Variants in CNOT6L observed in about 807,000 individuals in gnomAD.
CNOT6L encodes the protein CCR4-NOT transcription complex subunit 6 like, also known as CCR4-NOT transcription complex subunit 6-like.
In CNOT6L, 7 loss-of-function variants were observed where a neutral mutation model predicts 64.0. The observed-to-expected ratio is 0.11, with a 90% CI of 0.06 to 0.21. The LOEUF (loss-of-function observed/expected upper bound fraction) is 0.21. Ranked by LOEUF, CNOT6L falls within the 10% of genes least tolerant of loss-of-function variation. The pLI is 1.00. For synonymous variants in CNOT6L, 193 were observed against 243.4 expected (o/e 0.79, Z 1.93); for missense variants, 245 against 669.0 (o/e 0.37, Z 6.99).
intron 11 of CNOT6L, among the ~76,000 whole-genome samples, chr4:77,722,444 T>C (rs1721379287): frequency 6.6e-6 from 1 of 152,066 alleles, no homozygotes; most frequent in African/African-American, 2.4e-5. Context: ...GCACCTGTAG[T>C]CCCAGCTCCT....
intron 1 of CNOT6L, among the ~76,000 whole-genome samples, chr4:77,782,959 T>C (rs779578527): frequency 3.3e-5 from 5 of 152,154 alleles, no homozygotes; most frequent in Non-Finnish European, 7.4e-5. Context: ...AGAGCTTAAA[T>C]GATGCCCTGG....
chr4:77,783,951 C>G (rs978842276), intron 1 of CNOT6L, among the ~76,000 whole-genome samples: 1 of 150,616 alleles, frequency 6.6e-6, no homozygotes, highest in Non-Finnish European at 1.5e-5. Flanking sequence ...CACTAGTTAT[C>G]TGTGCAAATA....
At chr4:77,741,170 T>A (rs1373630166) in intron 8 of CNOT6L, among the ~76,000 whole-genome samples, 3 of 152,176 alleles carry the variant, frequency 2.0e-5, no homozygotes, top group African/African-American at 7.2e-5. Flanking sequence ...TACTAATTAT[T>A]AACCAAAATA....
chr4:77,798,712 C>T (rs546116292), intron 1 of CNOT6L, among the ~76,000 whole-genome samples: 12 of 151,996 alleles, frequency 7.9e-5, no homozygotes, highest in Admixed American at 6.6e-4. Context: ...AGGCCAGGCA[C>T]GGTGGCTCAC....
intron 8 of CNOT6L, among the ~76,000 whole-genome samples, chr4:77,738,831 G>C (rs1364488830): frequency 2.6e-5 from 4 of 151,278 alleles, no homozygotes; most frequent in African/African-American, 9.7e-5. Flanking sequence ...ATATGCATAT[G>C]TATGAATGTA....
rs1308224911 is a variant in CNOT6L, at chr4:77,718,035, C to CT, written c.*2395_*2396insA. On this transcript the variant is annotated 3_prime_UTR_variant, in exon 12 of 12. Transcript: ENST00000504123. ...AACTTAAGCTGTTTACAATGTTTCCCATTTTTTTTTATTTTTTCCCTCTAC... is the reference window on the plus strand; with the variant it reads ...AACTTAAGCTGTTTACAATGTTTCCCTATTTTTTTTTATTTTTTCCCTCTAC... 3.3e-3 allele frequency: 41 copies of CT among 12,386 alleles called. No homozygotes were observed. Among genetic ancestry groups the CT allele is most frequent in the Middle Eastern group, 0.042 (2 of 48 alleles). 0.8% of individuals were successfully genotyped at this position (12,386 alleles called of 1,614,324 possible).
chr4:77,749,095 A>C (rs558171154), intron 5 of CNOT6L, among the ~76,000 whole-genome samples: 1 of 152,290 alleles, frequency 6.6e-6, no homozygotes, highest in East Asian at 1.9e-4. Context: ...ATGGCTGAGA[A>C]ATGTATTCCC....
At chr4:77,799,667 G>A (rs530100575) in intron 1 of CNOT6L, among the ~76,000 whole-genome samples, 11 of 137,688 alleles carry the variant, frequency 8.0e-5, no homozygotes, top group Non-Finnish European at 1.5e-4. Context: ...TTGTGCCATT[G>A]CACTCCAGCC....
intron 1 of CNOT6L, among the ~76,000 whole-genome samples, chr4:77,817,261 G>A (rs1250582294): frequency 6.6e-6 from 1 of 151,640 alleles, no homozygotes; most frequent in Non-Finnish European, 1.5e-5. Context: ...AAATAACTAG[G>A]CTATTTTAAT....
intron 5 of CNOT6L, among the ~76,000 whole-genome samples, chr4:77,749,397 C>A (rs1724598691): frequency 6.6e-6 from 1 of 152,140 alleles, no homozygotes; most frequent in African/African-American, 2.4e-5. Flanking sequence ...GGCAGAGTCA[C>A]AGCAAGTGTC....
chr4:77,768,566 G>C (rs1218438624), intron 4 of CNOT6L, among the ~76,000 whole-genome samples: 1 of 147,516 alleles, frequency 6.8e-6, no homozygotes, highest in African/African-American at 2.5e-5. Context: ...AAAAGCCATA[G>C]AGTGGGAGAA....
intron 1 of CNOT6L, among the ~76,000 whole-genome samples, chr4:77,816,565 C>T (rs898768798): frequency 4.6e-5 from 7 of 152,132 alleles, no homozygotes; most frequent in African/African-American, 1.7e-4. Flanking sequence ...GAGCTTCCCC[C>T]TCCCCATCCT....
At chr4:77,773,456 T>G (rs1011132845) in intron 3 of CNOT6L, among the ~76,000 whole-genome samples, 2 of 152,192 alleles carry the variant, frequency 1.3e-5, no homozygotes, top group African/African-American at 4.8e-5. Flanking sequence ...TACCCCCTTT[T>G]TTCTCACCCA....
At position 77,766,740 on chromosome 4, in the gene CNOT6L, G is replaced by GA. The variant is rs111326264; in HGVS notation, c.400+6340dup. Among the ~76,000 whole-genome samples, 769 of 136,902 alleles carry GA rather than the reference G, an allele frequency of 5.6e-3. 8 individuals are homozygous for GA. Among genetic ancestry groups the GA allele is most frequent in the African/African-American group, 0.018 (659 of 37,408 alleles). The allele number at this position is 136,902 out of a possible 152,430, so 89.8% of individuals were successfully genotyped here. On this transcript the variant is annotated intron_variant, in intron 4 of 11. Coordinates refer to ENST00000504123, the MANE Select transcript of CNOT6L (RefSeq NM_144571.3). ...CAAATAGGAAATAACCAAGAAAAGA[G>GA]AAAAAAAAAAAGAAGAAAAAACCTT...
chr4:77,739,535 C>T (rs1267128177), intron 8 of CNOT6L, among the ~76,000 whole-genome samples: 1 of 152,160 alleles, frequency 6.6e-6, no homozygotes, highest in Non-Finnish European at 1.5e-5. Flanking sequence ...GGGTATAATA[C>T]TTTAAATTCC....
At chr4:77,744,144 T>C (rs976014492) in intron 7 of CNOT6L, among the ~76,000 whole-genome samples, 1 of 152,202 alleles carries the variant, frequency 6.6e-6, no homozygotes, top group Non-Finnish European at 1.5e-5. Flanking sequence ...TTTTGGCTAA[T>C]CATTAGCTAA....
intron 4 of CNOT6L, among the ~76,000 whole-genome samples, chr4:77,766,933 G>A (rs1251489053): frequency 1.3e-5 from 2 of 151,198 alleles, no homozygotes; most frequent in African/African-American, 4.9e-5. Flanking sequence ...TGTAGTGGCA[G>A]GAGCCTGTAA....
chr4:77,724,345 A>G (rs1721598198), intron 11 of CNOT6L, among the ~76,000 whole-genome samples: 1 of 146,350 alleles, frequency 6.8e-6, no homozygotes, highest in Non-Finnish European at 1.5e-5. Context: ...GTCTCAAAAA[A>G]AAAAAAATCT....
chr4:77,818,119 G>A (rs529604945), intron 1 of CNOT6L, among the ~76,000 whole-genome samples: 2 of 152,270 alleles, frequency 1.3e-5, no homozygotes, highest in South Asian at 2.1e-4. Context: ...CATGTTTGTT[G>A]AGCCTATCTT....
Sources: gnomAD v4.1 joint callset for allele counts (sites outside exome capture counted in the v4.1 genomes callset) on GRCh38, gnomAD v4.1.1 for gene constraint, MANE v1.5 for transcripts, NCBI Gene and HGNC (gene_info 2026-07-23, HGNC 2026-07-21) for gene names.